PIP5KL1: variants seen among roughly 807,000 people sequenced by gnomAD.
PIP5KL1 encodes phosphatidylinositol 4-phosphate 5-kinase-like protein 1.
PIP5KL1 carries 45 observed loss-of-function variants against 47.6 expected under a neutral mutation model. That is an observed-to-expected ratio of 0.94 (90% confidence interval 0.74 to 1.21). The LOEUF is 1.21. Ranked by LOEUF, PIP5KL1 falls within the 50% of genes most tolerant of loss-of-function variation. The probability of loss-of-function intolerance (pLI) is 0.00; values close to 1 mark genes in which losing one functional copy is unlikely to be tolerated. For synonymous variants in PIP5KL1, 256 were observed against 234.6 expected (o/e 1.09, Z -0.84); for missense variants, 577 against 547.6 (o/e 1.05, Z -0.54).
Position 127,925,235 on chromosome 9 carries a change from G to T in PIP5KL1, c.789C>A (p.Arg263=), listed in dbSNP as rs1262573278. 1.2e-6 allele frequency: 2 copies of T among 1,613,572 alleles called. No individual in the cohort carries two copies. Among genetic ancestry groups the T allele is most frequent in the Admixed American group, 3.3e-5 (2 of 60,028 alleles). Reference sequence around the variant, plus strand: ...GGAAGGTGGTATCCAGTTCCATCTGGCGGAGGAACCAGCTCCGCTGGGGCC... The same window carrying T: ...GGAAGGTGGTATCCAGTTCCATCTGTCGGAGGAACCAGCTCCGCTGGGGCC... ...NLGPQRSWFL[R]QMELDTTFLR... The change falls in exon 9 of 10, where the codon CGC becomes CGA. Residue 263 remains arginine, a synonymous_variant. Transcript: ENST00000388747.
intron 9 of PIP5KL1, among the ~76,000 whole-genome samples, chr9:127,924,490 C>CA (rs544298136): frequency 0.021 from 2,220 of 106,756 alleles, 49 homozygotes; most frequent in East Asian, 0.1. Context: ...GACTCCATCT[C>CA]AAAAAAAAAA....
In PIP5KL1 at chr9:127,928,142, A is replaced by G; in HGVS notation, c.357T>C (p.Tyr119=). 2 of 1,546,756 alleles carry G rather than the reference A, an allele frequency of 1.3e-6. No homozygotes were observed. Among genetic ancestry groups the G allele is most frequent in the Non-Finnish European group, 1.7e-6 (2 of 1,147,038 alleles). The change falls in exon 4 of 10, where the codon TAT becomes TAC. Residue 119 remains tyrosine, a synonymous_variant. Transcript: ENST00000388747. ...GGCCGCCGGGGCCCAGGGCAGCCTG[A>G]TAGTCCTCCTCCGCCAGGCCCAGGG... ...RRSLGLAEED[Y]QAALGPGGPY...
chr9:127,924,926 G>T (rs201218469), intron 9 of PIP5KL1, among the ~76,000 whole-genome samples, 181 bp downstream of exon 9: 1 of 151,146 alleles, frequency 6.6e-6, no homozygotes, highest in African/African-American at 2.4e-5. Flanking sequence ...GCACACACAC[G>T]CATGCATGCA....
chr9:127,928,357 G>A, intron 3 of PIP5KL1, 76 bp downstream of exon 3: 2 of 1,541,504 alleles, frequency 1.3e-6, no homozygotes, highest in Non-Finnish European at 1.8e-6. Flanking sequence ...CACTCCCACT[G>A]CACAGATGGG....
At chr9:127,924,993 T>C (rs770025822) in intron 9 of PIP5KL1, 114 bp downstream of exon 9, 36 of 1,418,556 alleles carry the variant, frequency 2.5e-5, no homozygotes, top group Non-Finnish European at 3.2e-5. Context: ...CTCTGCACTT[T>C]CCAGCCTTCA....
chr9:127,928,776 C>T, intron 2 of PIP5KL1: 1 of 494,754 alleles, frequency 2.0e-6, no homozygotes, highest in South Asian at 2.3e-5. Context: ...GACTCACAGG[C>T]TGGCCAAGTG....
In PIP5KL1 at chr9:127,928,379, G is replaced by GTCT. The variant is rs1588685659; in HGVS notation, c.279+53_279+54insAGA. On this transcript the variant is annotated intron_variant, in intron 3 of 9. Coordinates refer to ENST00000388747, the MANE Select transcript of PIP5KL1 (RefSeq NM_001135219.2). ...ACTGCACAGATGGGAAAACTGCAGA[G>GTCT]GAGAGAGCAAGACCAGCACACGTCC... 4.2e-5 allele frequency: 66 copies of GTCT among 1,561,210 alleles called. No homozygotes were observed. In the East Asian group the frequency reaches 1.5e-3, roughly 36 times the overall value.
At position 127,928,144 on chromosome 9, in the gene PIP5KL1, A is replaced by G. The variant is rs767105771; in HGVS notation, c.355T>C (p.Tyr119His). 30 of 1,545,738 alleles carry G rather than the reference A, an allele frequency of 1.9e-5. No individual in the cohort carries two copies. The Admixed American group carries it at 3.1e-4, about 16-fold the overall frequency. ...RRSLGLAEED[Y>H]QAALGPGGPY... Reference sequence around the variant, plus strand: ...CCGCCGGGGCCCAGGGCAGCCTGATAGTCCTCCTCCGCCAGGCCCAGGGAG... The same window carrying G: ...CCGCCGGGGCCCAGGGCAGCCTGATGGTCCTCCTCCGCCAGGCCCAGGGAG... The change falls in exon 4 of 10, where the codon TAT becomes CAT. Residue 119 changes from tyrosine (Y) to histidine (H), a missense_variant. By Grantham distance (83) the Tyr-to-His change is moderately conservative (BLOSUM62 2). Coordinates refer to ENST00000388747, the MANE Select transcript of PIP5KL1 (RefSeq NM_001135219.2).
chr9:127,929,819 G>C lies in PIP5KL1; in HGVS notation c.97C>G (p.Arg33Gly). Reference protein sequence around the residue: ...VTSSRRGLLWRLRDKQSRLGL... With the variant: ...VTSSRRGLLWGLRDKQSRLGL... The stretch of plus-strand genomic sequence containing the variant: ...AGGCGAGACTGCTTGTCTCGGAGGC[G>C]CCAGAGAAGCCCCCGCCGGCTGGAG... Residue 33 changes from arginine (R) to glycine (G), a missense_variant, in exon 2 of 10, where the codon CGC (arginine) becomes GGC (glycine). Physicochemically the swap from Arg to Gly is moderately radical, Grantham distance 125. Transcript: ENST00000388747. The surrounding 1 kb of genome is among the most constrained non-coding windows in gnomAD (Gnocchi z 4.0). The C allele has an allele frequency of 6.5e-7, 1 of 1,549,010 alleles. No individual in the cohort carries two copies. The highest frequency in any genetic ancestry group is 8.7e-7 in the Non-Finnish European group (1 of 1,147,178).
chr9:127,927,216 C>T lies in PIP5KL1; in HGVS notation c.595-8G>A, dbSNP rs762200437. On this transcript the variant is annotated splice_region_variant and splice_polypyrimidine_tract_variant and intron_variant, in intron 6 of 9. Coordinates refer to ENST00000388747, the MANE Select transcript of PIP5KL1 (RefSeq NM_001135219.2). The surrounding 1 kb of genome is among the most constrained non-coding windows in gnomAD (Gnocchi z 5.5). ...CATGACGATGAAGTACGTCTGGGGGCCGGGACAGGGAGTGAGGGAGGCCGG... is the reference window on the plus strand; with the variant it reads ...CATGACGATGAAGTACGTCTGGGGGTCGGGACAGGGAGTGAGGGAGGCCGG... 5.0e-6 allele frequency: 8 copies of T among 1,612,924 alleles called. No individual in the cohort carries two copies. Among genetic ancestry groups the T allele is most frequent in the Non-Finnish European group, 5.9e-6 (7 of 1,179,752 alleles).
intron 8 of PIP5KL1, 126 bp downstream of exon 8, chr9:127,925,741 G>A (rs1441036920): frequency 2.5e-6 from 2 of 793,086 alleles, no homozygotes; most frequent in African/African-American, 1.7e-5. Context: ...TGGAATTACA[G>A]GCGTGAGCCA....
rs1831275807 is a variant in PIP5KL1 at position 127,921,179 on chromosome 9, T to TA, written c.*667dup. On this transcript the variant is annotated 3_prime_UTR_variant, in exon 10 of 10. Coordinates refer to ENST00000388747, the MANE Select transcript of PIP5KL1 (RefSeq NM_001135219.2). ...CGGACCACGGACCCTTGCCCCCATT[T>TA]AACTGATGAGAAAAGTGACTTTCAG... 1 of 152,338 alleles carries TA rather than the reference T, an allele frequency of 6.6e-6. No homozygotes were observed. The highest frequency in any genetic ancestry group is 2.1e-4 in the South Asian group (1 of 4,836). 9.4% of individuals were successfully genotyped at this position (152,338 alleles called of 1,614,324 possible).
chr9:127,930,446 C>A (rs1390604670), intron 1 of PIP5KL1, among the ~76,000 whole-genome samples: 1 of 152,232 alleles, frequency 6.6e-6, no homozygotes, highest in African/African-American at 2.4e-5. Context: ...GTGCCCCGCA[C>A]TGGATGAGAG....
In PIP5KL1 at chr9:127,930,035, C is replaced by T. The variant is rs1202042823; in HGVS notation, c.31-150G>A. 4 of 793,638 alleles carry T rather than the reference C, an allele frequency of 5.0e-6. No individual in the cohort carries two copies. The East Asian group carries it at 8.2e-5, about 16-fold the overall frequency. The allele number at this position is 793,638 out of a possible 1,614,324, so 49.2% of individuals were successfully genotyped here. A position where few individuals can be genotyped will look rare whatever the true frequency, so the allele number is the denominator to read the frequency against. On this transcript the variant is annotated intron_variant, in intron 1 of 9. Coordinates refer to ENST00000388747, the MANE Select transcript of PIP5KL1 (RefSeq NM_001135219.2). ...CTGTAAAATAGAGATGATGCTGGTA[C>T]CCAGAGGGGCCACACAGTGCCTGGC...
chr9:127,927,768 C>A lies in PIP5KL1; in HGVS notation c.439G>T (p.Asp147Tyr). 1.3e-6 allele frequency: 2 copies of A among 1,561,824 alleles called. No homozygotes were observed. Among genetic ancestry groups the A allele is most frequent in the Middle Eastern group, 1.7e-4 (1 of 5,898 alleles). The change falls in exon 5 of 10, where the codon GAC becomes TAC. Residue 147 changes from aspartate to tyrosine, a missense_variant. Transcript: ENST00000388747. The surrounding 1 kb of genome is among the most constrained non-coding windows in gnomAD (Gnocchi z 5.5). The part of the protein sequence containing the change: ...KSKASFFLSH[D>Y]QRFFLKTQGR... ...TGGGTCTTCAGGAAGAAGCGCTGGT[C>A]GTGGCTGGGGGGCAAGAGAAAGAGG... is the stretch of plus-strand genomic sequence containing the variant.
In PIP5KL1 at chr9:127,927,624, C is replaced by A. The variant is rs1351546219; in HGVS notation, c.559+24G>T. ...ATGATGACCTAGGACCCGCCCCCAC[C>A]GAGCCCCGCCCCCAGCCAAGTACCC... On this transcript the variant is annotated intron_variant, in intron 5 of 9. Transcript: ENST00000388747. The surrounding 1 kb of genome is among the most constrained non-coding windows in gnomAD (Gnocchi z 5.5). 1 of 1,519,698 alleles carries A rather than the reference C, an allele frequency of 6.6e-7. No homozygotes were observed. The highest frequency in any genetic ancestry group is 1.4e-5 in the African/African-American group (1 of 71,870). 94.1% of individuals were successfully genotyped at this position (1,519,698 alleles called of 1,614,324 possible).
rs552324739 is a variant in PIP5KL1 at position 127,922,563 on chromosome 9, G to A, written c.918-449C>T. On this transcript the variant is annotated intron_variant, in intron 9 of 9. Transcript: ENST00000388747. ...AAATTAACTAGCCAGGTGTGGTGGC[G>A]GACGCCTGTAATCCCAGCTGCTCAG... Among the ~76,000 whole-genome samples, 10 of 151,834 alleles carry A rather than the reference G, an allele frequency of 6.6e-5. No homozygotes were observed. In the East Asian group the frequency reaches 1.2e-3, roughly 18 times the overall value.
chr9:127,925,492 G>GCAAGAC, intron 8 of PIP5KL1: 1 of 527,046 alleles, frequency 1.9e-6, no homozygotes, highest in Non-Finnish European at 3.3e-6. Context: ...TTGAGACAGA[G>GCAAGAC]TCTTGCTCTG....
At chr9:127,925,731 T>C in intron 8 of PIP5KL1, 136 bp downstream of exon 8, 1 of 739,568 alleles carries the variant, frequency 1.4e-6, no homozygotes, top group East Asian at 2.7e-5. Context: ...CCCAAAGTGC[T>C]GGAATTACAG....
Sources: gnomAD v4.1 joint callset for allele counts (sites outside exome capture counted in the v4.1 genomes callset) on GRCh38, gnomAD v4.1.1 for gene constraint, Gnocchi (gnomAD v3.1) non-coding constraint, MANE v1.5 for transcripts, NCBI Gene and HGNC (gene_info 2026-07-23, HGNC 2026-07-21) for gene names.